Variants in XPNPEP1 observed in about 807,000 individuals in gnomAD.
The protein encoded by XPNPEP1 is xaa-Pro aminopeptidase 1.
Under a neutral mutation model 92.4 loss-of-function variants are expected in XPNPEP1, and 39 were observed. The ratio of observed to expected loss-of-function variants is 0.42; its 90% CI spans 0.33 to 0.55. The LOEUF is 0.55. XPNPEP1 is among the 20% of genes least tolerant of loss of function. The pLI, the probability that XPNPEP1 is intolerant of heterozygous loss-of-function variation, is 0.08. For synonymous variants in XPNPEP1, 307 were observed against 299.4 expected, an observed-to-expected ratio of 1.03 and a Z score of -0.26; for missense variants, 654 against 856.1, an observed-to-expected ratio of 0.76 and a Z score of 2.95.
chr10:109,901,428 T>C (rs1181422689), intron 3 of XPNPEP1, among the ~76,000 whole-genome samples: 1 of 152,200 alleles, frequency 6.6e-6, no homozygotes, highest in Non-Finnish European at 1.5e-5. Context: ...AAGATTTCCA[T>C]GGTATTTCTT....
chr10:109,920,255 G>T (rs950183816), intron 1 of XPNPEP1, among the ~76,000 whole-genome samples: 1 of 152,176 alleles, frequency 6.6e-6, no homozygotes, highest in Non-Finnish European at 1.5e-5. Context: ...CAGGTAACAG[G>T]ATTTCTTTCG....
chr10:109,907,542 G>T, intron 3 of XPNPEP1, 149 bp downstream of exon 3: 1 of 1,231,428 alleles, frequency 8.1e-7, no homozygotes, highest in Non-Finnish European at 1.1e-6. Context: ...AGCATTCAGT[G>T]AGACCTATTG....
At chr10:109,923,120 C>T (rs905812937) in intron 1 of XPNPEP1, 2 of 977,912 alleles carry the variant, frequency 2.0e-6, no homozygotes, top group South Asian at 4.7e-5. Context: ...CCGCCGCCCC[C>T]TCAGGCCGAG....
At position 109,869,009 on chromosome 10, in the gene XPNPEP1, A is replaced by G. The variant is rs114033503; in HGVS notation, c.1774-297T>C. 2.4e-3 allele frequency among the ~76,000 whole-genome samples: 373 copies of G among 152,310 alleles called. 1 individual carries two copies. Among genetic ancestry groups the G allele is most frequent in the African/African-American group, 8.5e-3 (354 of 41,570 alleles). On this transcript the variant is annotated intron_variant, in intron 19 of 20. Transcript: ENST00000502935. ...TACTGTGATAGGAAACAGGGGCAGG[A>G]TATGGGGGTATCTGGGCTTAGGGGC...
At chr10:109,882,409 T>C in intron 10 of XPNPEP1, 23 bp downstream of exon 10, 1 of 1,602,764 alleles carries the variant, frequency 6.2e-7, no homozygotes. Flanking sequence ...AGAGTTTAGA[T>C]GGGCCAAAGT....
intron 1 of XPNPEP1, among the ~76,000 whole-genome samples, chr10:109,915,863 T>A (rs763412830): frequency 2.6e-5 from 4 of 152,206 alleles, no homozygotes; most frequent in Non-Finnish European, 4.4e-5. Flanking sequence ...AGGCGTTAGG[T>A]TCCCTCTACA....
chr10:109,868,697 G>C lies in XPNPEP1; in HGVS notation c.1789C>G (p.Arg597Gly). ...PVKTKYNFNN[R>G]GSLTFEPLTL... The stretch of plus-strand genomic sequence containing the variant: ...AGAGGTTCAAAGGTCAGGCTTCCCC[G>C]GTTATTAAAATTATACTGCGGGAGA... Residue 597 changes from arginine (R) to glycine (G), a missense_variant, in exon 20 of 21, where the codon CGG (arginine) becomes GGG (glycine). By Grantham distance (125) the Arg-to-Gly change is moderately radical (BLOSUM62 -2). Transcript: ENST00000502935. 6.2e-7 allele frequency: 1 copy of C among 1,613,768 alleles called. No homozygotes were observed. Among genetic ancestry groups the C allele is most frequent in the Middle Eastern group, 1.6e-4 (1 of 6,062 alleles).
Position 109,873,717 on chromosome 10 carries a change from T to C in XPNPEP1, c.1392-290A>G, listed in dbSNP as rs1041854618. The C allele has an allele frequency of 3.7e-5, 16 of 429,838 alleles. No homozygotes were observed. In the East Asian group the frequency reaches 5.6e-4, roughly 15 times the overall value. The allele number at this position is 429,838 out of a possible 1,614,324, so 26.6% of individuals were successfully genotyped here. On this transcript the variant is annotated intron_variant, in intron 15 of 20. Transcript: ENST00000502935. ...CACATTATTCATAATAGCCAGAAGA[T>C]GGAAACAGCTGAAATGTCCATCAAC...
At position 109,886,348 on chromosome 10, in the gene XPNPEP1, G is replaced by C. The variant is rs745611494; in HGVS notation, c.653-7C>G. On this transcript the variant is annotated splice_region_variant and splice_polypyrimidine_tract_variant and intron_variant, in intron 7 of 20. Transcript: ENST00000502935. ...TTGTCCTTCCAGGAGATGCCTGCAA[G>C]AAACAAATGTGCTTTAACTCCAGCC... is the stretch of plus-strand genomic sequence containing the variant. 6.2e-7 allele frequency: 1 copy of C among 1,613,704 alleles called. No homozygotes were observed. Among genetic ancestry groups the C allele is most frequent in the Admixed American group, 1.7e-5 (1 of 59,974 alleles).
chr10:109,868,562 T>A, intron 20 of XPNPEP1, 52 bp downstream of exon 20: 1 of 1,395,690 alleles, frequency 7.2e-7, no homozygotes, highest in Non-Finnish European at 1.0e-6. Flanking sequence ...CTATTTAAGG[T>A]AGTCTCCACC....
intron 3 of XPNPEP1, among the ~76,000 whole-genome samples, chr10:109,899,913 C>G (rs1849189197): frequency 6.6e-6 from 1 of 152,198 alleles, no homozygotes; most frequent in African/African-American, 2.4e-5. Context: ...AAGTGGTGCC[C>G]ACGAATCCCA....
intron 2 of XPNPEP1, among the ~76,000 whole-genome samples, chr10:109,908,417 A>C (rs1849671422): frequency 1.3e-5 from 2 of 152,178 alleles, no homozygotes; most frequent in African/African-American, 4.8e-5. Context: ...ATCCTGGCCA[A>C]TATGGTGAAA....
At chr10:109,882,693 G>C in intron 9 of XPNPEP1, 51 bp from the exon 10 acceptor site, 4 of 1,593,632 alleles carry the variant, frequency 2.5e-6, no homozygotes, top group Non-Finnish European at 3.4e-6. Flanking sequence ...ACATGAGTGA[G>C]AGGTGGCAAC....
chr10:109,888,307 C>A (rs1419000188), intron 6 of XPNPEP1, 115 bp from the exon 7 acceptor site: 2 of 1,432,726 alleles, frequency 1.4e-6, no homozygotes. Flanking sequence ...TGGCCCAGAG[C>A]TGGGTGTGCA....
chr10:109,902,743 A>G (rs772891361), intron 3 of XPNPEP1, among the ~76,000 whole-genome samples: 13 of 152,236 alleles, frequency 8.5e-5, no homozygotes, highest in Non-Finnish European at 1.9e-4. Context: ...AACAGCTAAC[A>G]CCAAGCAAGC....
intron 14 of XPNPEP1, 136 bp from the exon 15 acceptor site, chr10:109,875,735 T>C (rs1459404533): frequency 1.2e-5 from 8 of 648,750 alleles, no homozygotes; most frequent in Admixed American, 1.1e-4. Flanking sequence ...TAGAAAGTTA[T>C]GCAATAATGA....
intron 3 of XPNPEP1, among the ~76,000 whole-genome samples, chr10:109,904,911 A>G (rs1849473948): frequency 6.6e-6 from 1 of 152,232 alleles, no homozygotes; most frequent in Non-Finnish European, 1.5e-5. Context: ...ACTTGTGGGC[A>G]TATATCCAAA....
chr10:109,878,094 T>C (rs1847884367), intron 12 of XPNPEP1, 36 bp from the exon 13 acceptor site: 1 of 1,611,832 alleles, frequency 6.2e-7, no homozygotes, highest in African/African-American at 1.3e-5. Flanking sequence ...TCTGGTGAGA[T>C]AAATTCATGT....
At chr10:109,906,728 G>A (rs1034559665) in intron 3 of XPNPEP1, among the ~76,000 whole-genome samples, 4 of 152,180 alleles carry the variant, frequency 2.6e-5, no homozygotes, top group Admixed American at 2.6e-4. Context: ...CACTGTTTCT[G>A]AAGAGCATCC....
Sources: allele counts gnomAD v4.1 joint callset (sites outside exome capture counted in the v4.1 genomes callset), GRCh38; gene constraint gnomAD v4.1.1; transcripts MANE v1.5; gene names NCBI Gene and HGNC (gene_info 2026-07-23, HGNC 2026-07-21).